The following UBE3D variants were observed in gnomAD, a reference collection of about 807,000 sequenced individuals.
UBE3D encodes E3 ubiquitin-protein ligase E3D.
A neutral mutation model predicts 49.6 loss-of-function variants in UBE3D; 48 were observed. The observed-to-expected ratio is 0.97, with a 90% CI of 0.77 to 1.23. The LOEUF (loss-of-function observed/expected upper bound fraction) is 1.23, where lower values mean the gene tolerates loss of function less well. Among genes scored for constraint, UBE3D ranks in the 50% most tolerant of loss-of-function variants. The pLI, the probability that UBE3D is intolerant of heterozygous loss-of-function variation, is 0.00. For synonymous variants in UBE3D, 189 were observed against 174.2 expected, an observed-to-expected ratio of 1.08 and a Z score of -0.67; for missense variants, 452 against 468.4, an observed-to-expected ratio of 0.96 and a Z score of 0.32.
At chr6:83,027,912 C>T (rs1343931087) in intron 5 of UBE3D, among the ~76,000 whole-genome samples, 1 of 152,128 alleles carries the variant, frequency 6.6e-6, no homozygotes, top group African/African-American at 2.4e-5. Flanking sequence ...ATCAGATAGT[C>T]TGTTCTACGT....
rs78726078 is a variant in UBE3D, at chr6:82,961,120, C to T, written c.1011-3670G>A. On this transcript the variant is annotated intron_variant, in intron 8 of 9. Coordinates refer to ENST00000369747, the MANE Select transcript of UBE3D (RefSeq NM_198920.3). ...CTGTAGCCTGGACCATGGCCTACCA[C>T]GGTAGAAAGCATCTCAAGACAGTCA... Among the ~76,000 whole-genome samples the T allele has an allele frequency of 8.0e-3, 1,222 of 152,252 alleles. 11 individuals carry two copies. Among genetic ancestry groups the T allele is most frequent in the East Asian group, 0.026 (133 of 5,178 alleles).
intron 9 of UBE3D, among the ~76,000 whole-genome samples, chr6:82,905,924 C>T (rs1300348900): frequency 2.6e-5 from 4 of 152,146 alleles, no homozygotes; most frequent in East Asian, 3.8e-4. Context: ...TATGAGCTCA[C>T]GGCCATTGGT....
intron 9 of UBE3D, among the ~76,000 whole-genome samples, chr6:82,927,987 T>G (rs932911434): frequency 1.8e-4 from 28 of 151,992 alleles, no homozygotes; most frequent in African/African-American, 6.5e-4. Flanking sequence ...TTATATATTT[T>G]TTCAAAGTCA....
intron 8 of UBE3D, among the ~76,000 whole-genome samples, chr6:83,011,786 C>A (rs1780352428): frequency 6.6e-6 from 1 of 152,068 alleles, no homozygotes; most frequent in Admixed American, 6.6e-5. Context: ...CAGTGGAAAG[C>A]AATGTTGTGG....
At chr6:82,920,906 A>G (rs889874395) in intron 9 of UBE3D, among the ~76,000 whole-genome samples, 1 of 151,940 alleles carries the variant, frequency 6.6e-6, no homozygotes, top group African/African-American at 2.4e-5. Context: ...CTGATGTCAG[A>G]GGAAGCCCTC....
chr6:82,922,911 C>T (rs1773453914), intron 9 of UBE3D, among the ~76,000 whole-genome samples: 1 of 152,176 alleles, frequency 6.6e-6, no homozygotes, highest in South Asian at 2.1e-4. Context: ...TATGAACAGA[C>T]ACTTCTCAAA....
chr6:83,045,286 A>G (rs1291083349), intron 3 of UBE3D, among the ~76,000 whole-genome samples: 1 of 151,622 alleles, frequency 6.6e-6, no homozygotes, highest in East Asian at 1.9e-4. Flanking sequence ...TCTTCCACTC[A>G]CCCTTTTCAT....
At chr6:82,888,073 T>C (rs1770920792), downstream of UBE3D, among the ~76,000 whole-genome samples, 1 of 146,730 alleles carries the variant, frequency 6.8e-6, no homozygotes, top group Admixed American at 6.7e-5. Flanking sequence ...AGATTCCACC[T>C]TTTTTTTTGT....
intron 6 of UBE3D, 64 bp from the exon 7 acceptor site, chr6:83,022,625 G>T (rs1781186217): frequency 8.3e-7 from 1 of 1,211,128 alleles, no homozygotes; most frequent in Admixed American, 3.0e-5. Context: ...GGCAAGATAA[G>T]CAAAAAATAC....
At position 82,923,021 on chromosome 6, in the gene UBE3D, G is replaced by A. The variant is rs141484951; in HGVS notation, c.1150-29979C>T. Among the ~76,000 whole-genome samples the A allele has an allele frequency of 6.7e-3, 1,016 of 152,302 alleles. 5 individuals are homozygous for A. Among genetic ancestry groups the A allele is most frequent in the Non-Finnish European group, 0.011 (779 of 68,016 alleles). ...AAACCACAATGAGATACCATCTCAA[G>A]CTAGTTAGAATGGCAATCATTAAAA... On this transcript the variant is annotated intron_variant, in intron 9 of 9. Coordinates refer to ENST00000369747, the MANE Select transcript of UBE3D (RefSeq NM_198920.3).
chr6:82,993,893 C>A (rs998736893), intron 8 of UBE3D, among the ~76,000 whole-genome samples: 17 of 152,216 alleles, frequency 1.1e-4, no homozygotes, highest in African/African-American at 3.9e-4. Flanking sequence ...ATATGAGATT[C>A]ATAGTGCTAC....
At chr6:82,957,274 C>A (rs1483978887) in intron 9 of UBE3D, 38 bp downstream of exon 9, 4 of 1,600,428 alleles carry the variant, frequency 2.5e-6, no homozygotes, top group Non-Finnish European at 3.4e-6. Context: ...CCAAGTAAAA[C>A]TGAGAAATCA....
chr6:83,008,470 A>G (rs1471522937), intron 8 of UBE3D, among the ~76,000 whole-genome samples: 1 of 152,218 alleles, frequency 6.6e-6, no homozygotes, highest in Admixed American at 6.5e-5. Context: ...GTTGCTCACC[A>G]AGATGTGAAA....
chr6:82,902,073 A>G (rs1008036446), intron 9 of UBE3D, among the ~76,000 whole-genome samples: 1 of 152,170 alleles, frequency 6.6e-6, no homozygotes, highest in African/African-American at 2.4e-5. Flanking sequence ...GTCACTCCAC[A>G]TGGGTCTCCA....
intron 8 of UBE3D, among the ~76,000 whole-genome samples, chr6:82,976,203 A>T (rs1274075323): frequency 2.6e-5 from 4 of 152,178 alleles, no homozygotes; most frequent in African/African-American, 9.7e-5. Flanking sequence ...TCAACCTAAC[A>T]TCCATTCATA....
intron 8 of UBE3D, among the ~76,000 whole-genome samples, chr6:83,002,471 G>A (rs1437476998): frequency 1.3e-5 from 2 of 152,130 alleles, no homozygotes; most frequent in Admixed American, 6.6e-5. Flanking sequence ...GATCACCTGA[G>A]GTCAGAAGTT....
chr6:83,013,748 C>A (rs184613503), intron 8 of UBE3D, among the ~76,000 whole-genome samples: 117 of 152,252 alleles, frequency 7.7e-4, no homozygotes, highest in African/African-American at 2.7e-3. Context: ...GTGTAAGTCC[C>A]CTGAATTTTA....
At chr6:83,050,278 G>A (rs1191236414) in intron 3 of UBE3D, among the ~76,000 whole-genome samples, 2 of 149,532 alleles carry the variant, frequency 1.3e-5, no homozygotes, top group Non-Finnish European at 3.0e-5. Context: ...ATTAGTCCCA[G>A]ACTATCAAAT....
At chr6:83,002,241 T>C (rs1779680012) in intron 8 of UBE3D, among the ~76,000 whole-genome samples, 1 of 152,214 alleles carries the variant, frequency 6.6e-6, no homozygotes, top group Non-Finnish European at 1.5e-5. Context: ...GAAAACCTGT[T>C]CCGTAGATGC....
Sources: allele counts gnomAD v4.1 joint callset (sites outside exome capture counted in the v4.1 genomes callset), GRCh38; gene constraint gnomAD v4.1.1; transcripts MANE v1.5; gene names NCBI Gene and HGNC (gene_info 2026-07-23, HGNC 2026-07-21).